Variants in ANKRD44 observed in about 807,000 individuals in gnomAD.
ANKRD44 encodes the protein serine/threonine-protein phosphatase 6 regulatory ankyrin repeat subunit B.
In ANKRD44, 35 loss-of-function variants were observed where a neutral mutation model predicts 116.0. The ratio of observed to expected loss-of-function variants is 0.30; its 90% CI spans 0.23 to 0.40. The LOEUF is 0.40. Among genes scored for constraint, ANKRD44 ranks in the 10% least tolerant of loss-of-function variants. The pLI, the probability that ANKRD44 is intolerant of heterozygous loss-of-function variation, is 1.00. For missense variants in ANKRD44, 1,014 were observed against 1,242.6 expected (o/e 0.82, Z 2.77); for synonymous variants, 435 against 461.8 (o/e 0.94, Z 0.74).
chr2:197,067,692 A>G (rs2077464049), intron 16 of ANKRD44, among the ~76,000 whole-genome samples: 1 of 117,100 alleles, frequency 8.5e-6, no homozygotes, highest in African/African-American at 3.3e-5. Flanking sequence ...AATGGCAATC[A>G]TTAAAAAGTC....
intron 1 of ANKRD44, among the ~76,000 whole-genome samples, chr2:197,287,470 A>G (rs911602174): frequency 9.9e-5 from 15 of 152,162 alleles, no homozygotes; most frequent in African/African-American, 3.6e-4. Flanking sequence ...TGTTTGTTCT[A>G]GAGATGAGCA....
rs2079223408 is a variant in ANKRD44 at position 197,136,624 on chromosome 2, G to T, written c.229C>A (p.Pro77Thr). The T allele has an allele frequency of 6.2e-7, 1 of 1,614,178 alleles. No individual in the cohort carries two copies. Among genetic ancestry groups the T allele is most frequent in the Non-Finnish European group, 8.5e-7 (1 of 1,180,034 alleles). The change falls in exon 4 of 28, where the codon CCA becomes ACA. Residue 77 changes from proline to threonine, a missense_variant. By Grantham distance (38) the Pro-to-Thr change is conservative (BLOSUM62 -1). Coordinates refer to ENST00000282272, the MANE Select transcript of ANKRD44 (RefSeq NM_001195144.2). ...CTGGAAGCAACAGCCCGGTGCAGTG[G>T]AGTCAGCCACATGTTGTCCTTGGCA... ...VNAKDNMWLTPLHRAVASRSE... is the reference protein window; with the variant it reads ...VNAKDNMWLTTLHRAVASRSE...
At chr2:197,259,900 G>A (rs2082550962) in intron 1 of ANKRD44, among the ~76,000 whole-genome samples, 1 of 152,096 alleles carries the variant, frequency 6.6e-6, no homozygotes, top group African/African-American at 2.4e-5. Flanking sequence ...GGATTCCCAT[G>A]AGTGTGACTG....
chr2:197,167,452 G>T (rs1230844766), intron 2 of ANKRD44, among the ~76,000 whole-genome samples: 1 of 152,088 alleles, frequency 6.6e-6, no homozygotes, highest in African/African-American at 2.4e-5. Flanking sequence ...TTACATCAAG[G>T]ATCTTATCTA....
chr2:197,263,107 G>A lies in ANKRD44; in HGVS notation c.27+47471C>T, dbSNP rs556839456. 274 of 469,864 alleles carry A rather than the reference G, an allele frequency of 5.8e-4. 2 individuals are homozygous for A. Among genetic ancestry groups the A allele is most frequent in the Non-Finnish European group, 1.0e-3 (246 of 244,824 alleles). The allele number at this position is 469,864 out of a possible 1,614,324, so 29.1% of individuals were successfully genotyped here. On this transcript the variant is annotated intron_variant, in intron 1 of 27. Transcript: ENST00000282272. ...CTCCTGCCACAGCCCCTCACCCCCT[G>A]AAAATGTACACCTGCTCCAAGTTCG...
At chr2:197,013,760 A>G in intron 17 of ANKRD44, 48 bp from the exon 18 acceptor site, 1 of 1,599,640 alleles carries the variant, frequency 6.3e-7, no homozygotes, top group Middle Eastern at 2.3e-4. Context: ...CTCACCTCAA[A>G]TCCCGCCACA....
chr2:197,219,131 G>A (rs1461840169), intron 1 of ANKRD44, among the ~76,000 whole-genome samples: 3 of 146,944 alleles, frequency 2.0e-5, no homozygotes, highest in Non-Finnish European at 4.5e-5. Flanking sequence ...GTGCAGTGGT[G>A]CGATCTCAGC....
At chr2:197,131,938 G>C (rs955209391) in intron 4 of ANKRD44, among the ~76,000 whole-genome samples, 1 of 152,206 alleles carries the variant, frequency 6.6e-6, no homozygotes, top group African/African-American at 2.4e-5. Flanking sequence ...GCAAGAACAA[G>C]CTGAACACAG....
At chr2:197,137,713 A>G (rs1398109757) in intron 3 of ANKRD44, among the ~76,000 whole-genome samples, 2 of 152,110 alleles carry the variant, frequency 1.3e-5, no homozygotes, top group Non-Finnish European at 2.9e-5. Context: ...CTCCCATCCA[A>G]CCTCCACTTT....
chr2:197,196,259 A>G (rs2080946183), intron 1 of ANKRD44, among the ~76,000 whole-genome samples: 1 of 152,224 alleles, frequency 6.6e-6, no homozygotes, highest in South Asian at 2.1e-4. Context: ...TTGTGGGGAA[A>G]AAAGAAAAAT....
chr2:197,198,587 T>C (rs1276060005), intron 1 of ANKRD44, among the ~76,000 whole-genome samples: 1 of 151,370 alleles, frequency 6.6e-6, no homozygotes, highest in African/African-American at 2.4e-5. Flanking sequence ...AGGCCAGGAG[T>C]TTGAGACCAG....
intron 2 of ANKRD44, among the ~76,000 whole-genome samples, chr2:197,163,054 C>G (rs530141942): frequency 6.6e-6 from 1 of 152,212 alleles, no homozygotes; most frequent in South Asian, 2.1e-4. Flanking sequence ...TATCCCTAAC[C>G]TTGAGTGAAG....
chr2:197,013,465 G>C (rs370623604), intron 18 of ANKRD44, 46 bp downstream of exon 18: 334 of 1,587,196 alleles, frequency 2.1e-4, no homozygotes, highest in Non-Finnish European at 2.4e-4. Flanking sequence ...TAAAACTTAC[G>C]AACAAGCCAC....
chr2:197,219,631 A>G (rs2081539163), intron 1 of ANKRD44, among the ~76,000 whole-genome samples: 1 of 152,232 alleles, frequency 6.6e-6, no homozygotes, highest in Admixed American at 6.5e-5. Context: ...ATTTTCTGGC[A>G]CCATGAAAGC....
chr2:197,155,028 AT>A (rs1336900647), intron 2 of ANKRD44, among the ~76,000 whole-genome samples: 1 of 152,248 alleles, frequency 6.6e-6, no homozygotes, highest in Non-Finnish European at 1.5e-5. Flanking sequence ...ACGCACAAGA[AT>A]TAAAATGATG....
At position 197,201,097 on chromosome 2, in the gene ANKRD44, G is replaced by T. The variant is rs557811188; in HGVS notation, c.28-13991C>A. ...GTCTCAAAGACTAGAGATTAAAAAG[G>T]CATGGGTAATTTTTAACTGAGAGGT... is the stretch of plus-strand genomic sequence containing the variant. On this transcript the variant is annotated intron_variant, in intron 1 of 27. Transcript: ENST00000282272. This position sits in a 1 kb window ranked among gnomAD's most constrained non-coding sequence, Gnocchi z 4.0. 6.6e-6 allele frequency among the ~76,000 whole-genome samples: 1 copy of T among 152,200 alleles called. No homozygotes were observed. Among genetic ancestry groups the T allele is most frequent in the Middle Eastern group, 3.4e-3 (1 of 294 alleles).
Position 197,189,909 on chromosome 2 carries a change from A to T in ANKRD44, c.28-2803T>A, listed in dbSNP as rs17388734. 1.0e-2 allele frequency among the ~76,000 whole-genome samples: 1,520 copies of T among 152,172 alleles called. 9 individuals carry two copies. The highest frequency in any genetic ancestry group is 0.014 in the Non-Finnish European group (955 of 68,000). On this transcript the variant is annotated intron_variant, in intron 1 of 27. Coordinates refer to ENST00000282272, the MANE Select transcript of ANKRD44 (RefSeq NM_001195144.2). The stretch of plus-strand genomic sequence containing the variant: ...GGAATACATACATTCTGTTGCATTC[A>T]CTCCGTCCTCACACTTCTGAAGAAA...
chr2:197,235,603 G>A (rs1475008829), intron 1 of ANKRD44, among the ~76,000 whole-genome samples: 3 of 137,560 alleles, frequency 2.2e-5, no homozygotes, highest in Non-Finnish European at 4.6e-5. Flanking sequence ...GTGATAGAGT[G>A]AGACTCTGTC....
chr2:196,969,008 C>G (rs938297061), intron 21 of ANKRD44, among the ~76,000 whole-genome samples: 1 of 152,158 alleles, frequency 6.6e-6, no homozygotes, highest in Admixed American at 6.5e-5. Flanking sequence ...CCAGATACAA[C>G]TTATTTATAC....
Sources: gnomAD v4.1 joint callset for allele counts (sites outside exome capture counted in the v4.1 genomes callset) on GRCh38, gnomAD v4.1.1 for gene constraint, Gnocchi (gnomAD v3.1) non-coding constraint, MANE v1.5 for transcripts, NCBI Gene and HGNC (gene_info 2026-07-23, HGNC 2026-07-21) for gene names.